CDYL: variants seen among roughly 807,000 people sequenced by gnomAD.
CDYL encodes the protein chromodomain Y-like protein.
Under a neutral mutation model 47.3 loss-of-function variants are expected in CDYL, and 8 were observed. The observed-to-expected ratio is 0.17, with a 90% CI of 0.10 to 0.31. The LOEUF (loss-of-function observed/expected upper bound fraction) is 0.31. Among genes scored for constraint, CDYL ranks in the 10% least tolerant of loss-of-function variants. CDYL has a pLI of 1.00. For missense variants in CDYL, 471 were observed against 701.4 expected (o/e 0.67, Z 3.71); for synonymous variants, 266 against 265.0 (o/e 1.00, Z -0.04).
chr6:4,886,617 C>A (rs1014946298), intron 1 of CDYL, among the ~76,000 whole-genome samples: 1 of 151,552 alleles, frequency 6.6e-6, no homozygotes, highest in South Asian at 2.1e-4. Context: ...TGATATAAGT[C>A]CCTTATCAAA....
At chr6:4,944,921 G>T (rs1000054192) in intron 5 of CDYL, among the ~76,000 whole-genome samples, 5 of 152,184 alleles carry the variant, frequency 3.3e-5, no homozygotes, top group Non-Finnish European at 1.5e-5. Flanking sequence ...CTTCGTCGCT[G>T]CGTGGGATTT....
chr6:4,822,086 A>G (rs752337792), intron 1 of CDYL, among the ~76,000 whole-genome samples: 28 of 152,008 alleles, frequency 1.8e-4, no homozygotes, highest in Admixed American at 7.9e-4. Context: ...CTCCCAACTC[A>G]GCTTCCTGAG....
At chr6:4,913,701 G>A (rs962575972) in intron 2 of CDYL, among the ~76,000 whole-genome samples, 9 of 152,182 alleles carry the variant, frequency 5.9e-5, no homozygotes, top group African/African-American at 2.2e-4. Context: ...GGATCAGCAC[G>A]CTTTTCCTTT....
At chr6:4,896,063 G>C (rs1234608442) in intron 2 of CDYL, among the ~76,000 whole-genome samples, 1 of 152,210 alleles carries the variant, frequency 6.6e-6, no homozygotes, top group Non-Finnish European at 1.5e-5. Context: ...GCGCTGGTCA[G>C]ATCAGCCCTG....
intron 4 of CDYL, among the ~76,000 whole-genome samples, chr6:4,939,864 T>C (rs1487462686): frequency 3.3e-5 from 5 of 152,252 alleles, no homozygotes; most frequent in African/African-American, 1.2e-4. Context: ...CACATAATAT[T>C]GTGCTTTTTG....
intron 1 of CDYL, among the ~76,000 whole-genome samples, chr6:4,826,289 T>C (rs1369441475): frequency 6.6e-6 from 1 of 152,196 alleles, no homozygotes; most frequent in Non-Finnish European, 1.5e-5. Context: ...CAATTTTTAT[T>C]GAGTTCTTCA....
chr6:4,836,817 G>T (rs1760328409), intron 1 of CDYL, among the ~76,000 whole-genome samples: 1 of 152,174 alleles, frequency 6.6e-6, no homozygotes. Flanking sequence ...TTCTGATTCT[G>T]GCACCTTGAT....
At chr6:4,825,225 C>T (rs1759948752) in intron 1 of CDYL, among the ~76,000 whole-genome samples, 1 of 152,156 alleles carries the variant, frequency 6.6e-6, no homozygotes, top group Admixed American at 6.5e-5. Context: ...GGTTAGCATG[C>T]ATTGCTAGTA....
intron 1 of CDYL, among the ~76,000 whole-genome samples, chr6:4,818,149 G>T (rs1052805769): frequency 6.6e-6 from 1 of 152,074 alleles, no homozygotes; most frequent in Non-Finnish European, 1.5e-5. Context: ...CTAGCTACTT[G>T]GGAGGCTGAG....
At chr6:4,778,900 A>G (rs1758539332) in intron 1 of CDYL, among the ~76,000 whole-genome samples, 1 of 152,130 alleles carries the variant, frequency 6.6e-6, no homozygotes, top group Non-Finnish European at 1.5e-5. Context: ...TTCCAACTCT[A>G]TCACCTTGGG....
chr6:4,706,582 C>T (rs1306131227), intron 1 of CDYL, among the ~76,000 whole-genome samples: 4 of 151,880 alleles, frequency 2.6e-5, no homozygotes, highest in Admixed American at 6.6e-5. Flanking sequence ...GTCAGGAGTT[C>T]GAGACCAGCA....
intron 1 of CDYL, among the ~76,000 whole-genome samples, chr6:4,887,103 T>G (rs1761919464): frequency 6.6e-6 from 1 of 152,238 alleles, no homozygotes; most frequent in African/African-American, 2.4e-5. Flanking sequence ...ACTGTAGCTT[T>G]GTATTAAGTT....
At chr6:4,913,198 T>C (rs1172355060) in intron 2 of CDYL, among the ~76,000 whole-genome samples, 1 of 152,224 alleles carries the variant, frequency 6.6e-6, no homozygotes, top group Non-Finnish European at 1.5e-5. Flanking sequence ...GTGCTCGAAA[T>C]TCGAGCCAAG....
At chr6:4,795,373 T>C (rs1431300640) in intron 1 of CDYL, among the ~76,000 whole-genome samples, 4 of 152,198 alleles carry the variant, frequency 2.6e-5, no homozygotes, top group African/African-American at 7.2e-5. Context: ...ATCATTGTTA[T>C]AATTAGTCAC....
chr6:4,888,163 C>A (rs1561687931), intron 1 of CDYL, among the ~76,000 whole-genome samples: 1 of 151,884 alleles, frequency 6.6e-6, no homozygotes, highest in Non-Finnish European at 1.5e-5. Flanking sequence ...CTTGTGATGT[C>A]TTTTGTTTTG....
intron 2 of CDYL, among the ~76,000 whole-genome samples, chr6:4,903,136 G>A (rs73348361): frequency 0.024 from 3,694 of 152,166 alleles, 88 homozygotes; most frequent in East Asian, 0.088. Context: ...TAGGGTAGTC[G>A]GGACAAATTA....
intron 3 of CDYL, among the ~76,000 whole-genome samples, chr6:4,750,377 AT>A (rs1757968854): frequency 6.6e-6 from 1 of 151,190 alleles, no homozygotes; most frequent in Admixed American, 6.6e-5. Flanking sequence ...TAATTTTTGT[AT>A]TTTTAAAAGA....
chr6:4,830,754 TC>T (rs1206511190), intron 1 of CDYL, among the ~76,000 whole-genome samples: 10 of 62,296 alleles, frequency 1.6e-4, no homozygotes, highest in Non-Finnish European at 8.6e-5. Context: ...CCCTCCCCCC[TC>T]CCCCCACCCC....
chr6:4,865,014 A>T (rs1052526995), intron 1 of CDYL, among the ~76,000 whole-genome samples: 1 of 152,122 alleles, frequency 6.6e-6, no homozygotes, highest in Non-Finnish European at 1.5e-5. Context: ...TTATTCTTTG[A>T]TTCTCCATTT....
Sources: allele counts gnomAD v4.1 joint callset (sites outside exome capture counted in the v4.1 genomes callset), GRCh38; gene constraint gnomAD v4.1.1; transcripts MANE v1.5; gene names NCBI Gene and HGNC (gene_info 2026-07-23, HGNC 2026-07-21).